The following ZNF513 variants were observed in gnomAD, a reference collection of about 807,000 sequenced individuals.
ZNF513 encodes the protein zinc finger protein 513.
In ZNF513, 16 loss-of-function variants were observed where a neutral mutation model predicts 39.7. The ratio of observed to expected loss-of-function variants is 0.40; its 90% CI spans 0.27 to 0.61. ZNF513 has a LOEUF of 0.61. ZNF513 is among the 20% of genes least tolerant of loss of function. ZNF513 has a pLI of 0.39. For synonymous variants in ZNF513, 348 were observed against 296.5 expected (o/e 1.17, Z -1.79); for missense variants, 699 against 743.6 (o/e 0.94, Z 0.70).
rs770472301 is a variant in ZNF513, at chr2:27,379,070, T to G, written c.212-16A>C. ...AGAGAGTCTCCTGGTGAAATAGACA[T>G]AAGAAGAGACATCAGCATAGGGTAG... On this transcript the variant is annotated splice_polypyrimidine_tract_variant and intron_variant, in intron 2 of 3. Coordinates refer to ENST00000323703, the MANE Select transcript of ZNF513 (RefSeq NM_144631.6). 3.3e-5 allele frequency: 53 copies of G among 1,610,522 alleles called. No homozygotes were observed. Among genetic ancestry groups the G allele is most frequent in the Non-Finnish European group, 4.4e-5 (52 of 1,178,406 alleles).
At position 27,378,517 on chromosome 2, in the gene ZNF513, C is replaced by T. The variant is rs141337532; in HGVS notation, c.749G>A (p.Arg250Gln). 1,992 of 1,614,124 alleles carry T rather than the reference C, an allele frequency of 1.2e-3. 8 individuals are homozygous for T. Among genetic ancestry groups the T allele is most frequent in the Non-Finnish European group, 1.5e-3 (1,729 of 1,180,022 alleles). Residue 250 changes from arginine to glutamine, a missense_variant, in exon 3 of 4, where the codon CGG becomes CAG. Physicochemically the swap from Arg to Gln is conservative, Grantham distance 43. Transcript: ENST00000323703. The surrounding 1 kb of genome is among the most constrained non-coding windows in gnomAD (Gnocchi z 8.0). ...GFRCCTPRPA[R>Q]PPSPTEQEGA... ...CTCCTGCTCTGTGGGACTGGGAGGCCGGGCTGGTCGTGGAGTACAGCAGCG... is the reference window on the plus strand; with the variant it reads ...CTCCTGCTCTGTGGGACTGGGAGGCTGGGCTGGTCGTGGAGTACAGCAGCG...
chr2:27,379,026 A>T lies in ZNF513; in HGVS notation c.240T>A (p.Leu80=), dbSNP rs368015447. ...EGDSLGARPG[L]PYGLSDDESG... is the part of the protein sequence containing the mutation. ...ACTCATCGTCGCTCAGCCCATAGGGAAGCCCAGGCCTGGCCCCCAGAGAGT... is the reference window on the plus strand; with the variant it reads ...ACTCATCGTCGCTCAGCCCATAGGGTAGCCCAGGCCTGGCCCCCAGAGAGT... The change falls in exon 3 of 4, where the codon CTT becomes CTA. Residue 80 remains leucine (L), a synonymous_variant. Transcript: ENST00000323703. The T allele has an allele frequency of 5.0e-6, 8 of 1,613,074 alleles. No homozygotes were observed. The highest frequency in any genetic ancestry group is 6.8e-6 in the Non-Finnish European group (8 of 1,179,984).
chr2:27,379,042 C>A lies in ZNF513; in HGVS notation c.224G>T (p.Gly75Val). 4 of 1,612,802 alleles carry A rather than the reference C, an allele frequency of 2.5e-6. No homozygotes were observed. Among genetic ancestry groups the A allele is most frequent in the Non-Finnish European group, 3.4e-6 (4 of 1,179,926 alleles). The change falls in exon 3 of 4, where the codon GGG becomes GTG. Residue 75 changes from glycine (G) to valine (V), a missense_variant. Around this residue, in one of 3 missense-constraint regions of ZNF513, gnomAD observed 530 missense variants for 499.3 expected, o/e 1.06. Transcript: ENST00000323703. Reference sequence around the variant, plus strand: ...CCCATAGGGAAGCCCAGGCCTGGCCCCCAGAGAGTCTCCTGGTGAAATAGA... The same window carrying A: ...CCCATAGGGAAGCCCAGGCCTGGCCACCAGAGAGTCTCCTGGTGAAATAGA... ...FERDSEGDSL[G>V]ARPGLPYGLS...
Position 27,380,257 on chromosome 2 carries a change from G to A in ZNF513, c.56-9C>T, listed in dbSNP as rs761661461. 21 of 1,613,738 alleles carry A rather than the reference G, an allele frequency of 1.3e-5. No individual in the cohort carries two copies. In the East Asian group the frequency reaches 2.9e-4, roughly 22 times the overall value. On this transcript the variant is annotated splice_polypyrimidine_tract_variant and intron_variant, in intron 1 of 3. Transcript: ENST00000323703. ...GGAGTCTTCAGTATCCACTGAAGAGGGGAGGGGGCTTGTGGATTCTCCCTC... is the reference window on the plus strand; with the variant it reads ...GGAGTCTTCAGTATCCACTGAAGAGAGGAGGGGGCTTGTGGATTCTCCCTC...
At position 27,379,011 on chromosome 2, in the gene ZNF513, G is replaced by T. The variant is rs776962354; in HGVS notation, c.255C>A (p.Ser85Arg). The stretch of plus-strand genomic sequence containing the variant: ...CCCGGCCGCCCCCAGACTCATCGTC[G>T]CTCAGCCCATAGGGAAGCCCAGGCC... ...GARPGLPYGLSDDESGGGRAL... is the reference protein window; with the variant it reads ...GARPGLPYGLRDDESGGGRAL... Residue 85 changes from serine (S) to arginine (R), a missense_variant, in exon 3 of 4, where the codon AGC becomes AGA. Transcript: ENST00000323703. 1 of 1,612,976 alleles carries T rather than the reference G, an allele frequency of 6.2e-7. No homozygotes were observed. The highest frequency in any genetic ancestry group is 8.5e-7 in the Non-Finnish European group (1 of 1,179,996).
intron 1 of ZNF513, 22 bp from the exon 2 acceptor site, chr2:27,380,270 T>A: frequency 6.2e-7 from 1 of 1,613,564 alleles, no homozygotes; most frequent in South Asian, 1.1e-5. Context: ...AGGGGGCTTG[T>A]GGATTCTCCC....
Position 27,378,344 on chromosome 2 carries a change from A to G in ZNF513, c.827T>C (p.Leu276Pro). ...EDALLLPDLS[L>P]HVPPGGASFL... ...ACTGGCACCACCTGGTGGCACATGG[A>G]GGCTCAAATCTGGAAGGAGCAGAGC... The change falls in exon 4 of 4, where the codon CTC becomes CCC. Residue 276 changes from leucine (L) to proline (P), a missense_variant. Leu to Pro is a moderately conservative substitution (Grantham distance 98). Coordinates refer to ENST00000323703, the MANE Select transcript of ZNF513 (RefSeq NM_144631.6). The surrounding 1 kb of genome is among the most constrained non-coding windows in gnomAD (Gnocchi z 8.0). 1 of 1,602,162 alleles carries G rather than the reference A, an allele frequency of 6.2e-7. No individual in the cohort carries two copies. Among genetic ancestry groups the G allele is most frequent in the Non-Finnish European group, 8.5e-7 (1 of 1,179,960 alleles).
In ZNF513 at chr2:27,377,455, A is replaced by G. The variant is rs770822755; in HGVS notation, c.*90T>C. 2.8e-6 allele frequency: 4 copies of G among 1,417,454 alleles called. No individual in the cohort carries two copies. The highest frequency in any genetic ancestry group is 2.3e-5 in the East Asian group (1 of 43,356). 87.8% of individuals were successfully genotyped at this position (1,417,454 alleles called of 1,614,324 possible). A position where few individuals can be genotyped will look rare whatever the true frequency, so the allele number is the denominator to read the frequency against. On this transcript the variant is annotated 3_prime_UTR_variant, in exon 4 of 4. Coordinates refer to ENST00000323703, the MANE Select transcript of ZNF513 (RefSeq NM_144631.6). This position sits in a 1 kb window ranked among gnomAD's most constrained non-coding sequence, Gnocchi z 4.4. ...GGTTGGGCTGGTCCTTATAGTGCCT[A>G]CGTTAGTCTGTGTGGAGCCCCTGGC...
rs745565676 is a variant in ZNF513, at chr2:27,379,072, A to G, written c.212-18T>C. 9.3e-6 allele frequency: 15 copies of G among 1,610,064 alleles called. No homozygotes were observed. The East Asian group carries it at 3.1e-4, about 34-fold the overall frequency. Reference sequence around the variant, plus strand: ...AGAGTCTCCTGGTGAAATAGACATAAGAAGAGACATCAGCATAGGGTAGGA... The same window carrying G: ...AGAGTCTCCTGGTGAAATAGACATAGGAAGAGACATCAGCATAGGGTAGGA... On this transcript the variant is annotated intron_variant, in intron 2 of 3. Transcript: ENST00000323703.
rs1009266161 is a variant in ZNF513, at chr2:27,380,381, C to T, written c.55+91G>A. 3.5e-5 allele frequency: 56 copies of T among 1,585,024 alleles called. 1 individual carries two copies. The highest frequency in any genetic ancestry group is 4.7e-5 in the Non-Finnish European group (55 of 1,164,830). On this transcript the variant is annotated intron_variant, in intron 1 of 3. Coordinates refer to ENST00000323703, the MANE Select transcript of ZNF513 (RefSeq NM_144631.6). ...AGCTAGGAGTCTGGATCGCCCACTT[C>T]ATCCCTCAGGAGTCCCCCTCCACCC...
rs1284306414 is a variant in ZNF513, at chr2:27,380,212, G to A, written c.92C>T (p.Ala31Val). Residue 31 changes from alanine to valine, a missense_variant, in exon 2 of 4, where the codon GCC becomes GTC. Ala to Val is a moderately conservative substitution (Grantham distance 64). This residue lies in a region of ZNF513 where 530 missense variants were observed against 499.3 expected (regional missense o/e 1.06). Coordinates refer to ENST00000323703, the MANE Select transcript of ZNF513 (RefSeq NM_144631.6). ...TEDSLDEGPG[A>V]LVLESDLLLG... ...TAGCAAATCACTCTCCAATACCAGGGCCCCGGGTCCTTCGTCGAGGGAGTC... is the reference window on the plus strand; with the variant it reads ...TAGCAAATCACTCTCCAATACCAGGACCCCGGGTCCTTCGTCGAGGGAGTC... 6.2e-7 allele frequency: 1 copy of A among 1,613,812 alleles called. No individual in the cohort carries two copies. The highest frequency in any genetic ancestry group is 1.7e-5 in the Admixed American group (1 of 59,966).
At chr2:27,380,003 A>G (rs1683548122) in intron 2 of ZNF513, 90 bp downstream of exon 2, 1 of 1,554,148 alleles carries the variant, frequency 6.4e-7, no homozygotes, top group African/African-American at 1.4e-5. Flanking sequence ...CGGTTGTGGC[A>G]GGAAATGGTG....
intron 2 of ZNF513, among the ~76,000 whole-genome samples, chr2:27,379,322 A>C (rs1683512141): frequency 6.6e-6 from 1 of 152,222 alleles, no homozygotes; most frequent in South Asian, 2.1e-4. Context: ...AAGGGCTCAC[A>C]GTGGATCACA....
At chr2:27,379,948 A>C (rs1026022543) in intron 2 of ZNF513, 145 bp downstream of exon 2, 43 of 1,115,720 alleles carry the variant, frequency 3.9e-5, no homozygotes, top group Middle Eastern at 2.6e-4. Context: ...TTGGACCATT[A>C]AACAAATGAA....
At position 27,380,562 on chromosome 2, in the gene ZNF513, C is replaced by T. The variant is rs1197677286; in HGVS notation, c.-36G>A. On this transcript the variant is annotated 5_prime_UTR_variant, in exon 1 of 4. Coordinates refer to ENST00000323703, the MANE Select transcript of ZNF513 (RefSeq NM_144631.6). ...TCCAGCCCGACGCGCCTCCGGCCTG[C>T]GGCCGCCCGACCCCGCCCCTCCTAT... 2.6e-6 allele frequency: 4 copies of T among 1,539,438 alleles called. No individual in the cohort carries two copies. Among genetic ancestry groups the T allele is most frequent in the Admixed American group, 3.9e-5 (2 of 51,608 alleles).
intron 1 of ZNF513, 21 bp from the exon 2 acceptor site, chr2:27,380,269 G>C (rs373889133): frequency 1.2e-6 from 2 of 1,613,588 alleles, no homozygotes; most frequent in African/African-American, 2.7e-5. Flanking sequence ...GAGGGGGCTT[G>C]TGGATTCTCC....
rs1372253522 is a variant in ZNF513, at chr2:27,377,303, C to A, written c.*242G>T. 3.1e-6 allele frequency: 2 copies of A among 650,434 alleles called. No individual in the cohort carries two copies. The highest frequency in any genetic ancestry group is 5.5e-6 in the Non-Finnish European group (2 of 360,696). 40.3% of individuals were successfully genotyped at this position (650,434 alleles called of 1,614,324 possible). On this transcript the variant is annotated 3_prime_UTR_variant, in exon 4 of 4. Coordinates refer to ENST00000323703, the MANE Select transcript of ZNF513 (RefSeq NM_144631.6). This position sits in a 1 kb window ranked among gnomAD's most constrained non-coding sequence, Gnocchi z 4.4. The stretch of plus-strand genomic sequence containing the variant: ...ATAAACAGGTGGGAGGCTGGGCAGT[C>A]CCCCAGCCGGTTTGTCCACAGCCCC...
chr2:27,377,589 G>T lies in ZNF513; in HGVS notation c.1582C>A (p.Leu528Met). The change falls in exon 4 of 4, where the codon CTG becomes ATG. Residue 528 changes from leucine to methionine, a missense_variant. Leu to Met is a conservative substitution (Grantham distance 15). Coordinates refer to ENST00000323703, the MANE Select transcript of ZNF513 (RefSeq NM_144631.6). The surrounding 1 kb of genome is among the most constrained non-coding windows in gnomAD (Gnocchi z 4.4). ...SVLSSRGPPA[L>M]GTAGSRAVHT... Reference sequence around the variant, plus strand: ...ACAGCCCGGCTGCCAGCAGTCCCCAGGGCTGGTGGGCCCCGAGAGCTCAAA... The same window carrying T: ...ACAGCCCGGCTGCCAGCAGTCCCCATGGCTGGTGGGCCCCGAGAGCTCAAA... 1 of 1,614,122 alleles carries T rather than the reference G, an allele frequency of 6.2e-7. No homozygotes were observed. The highest frequency in any genetic ancestry group is 8.5e-7 in the Non-Finnish European group (1 of 1,180,040).
chr2:27,380,690 A>T lies in ZNF513; in HGVS notation c.-164T>A, dbSNP rs1183471150. ...CGGCCCTGGCCCCGGCGCCCAGCTC[A>T]GGCCGCTCCCGCCGCCGCCGCCGCT... On this transcript the variant is annotated 5_prime_UTR_variant, in exon 1 of 4. The change abolishes the stop of an existing upstream ORF in the 5' untranslated region. Coordinates refer to ENST00000323703, the MANE Select transcript of ZNF513 (RefSeq NM_144631.6). 2.5e-6 allele frequency: 3 copies of T among 1,199,406 alleles called. No homozygotes were observed. In the East Asian group the frequency reaches 9.6e-5, roughly 39 times the overall value. The allele number at this position is 1,199,406 out of a possible 1,614,324, so 74.3% of individuals were successfully genotyped here.
Sources: allele counts gnomAD v4.1 joint callset (sites outside exome capture counted in the v4.1 genomes callset), GRCh38; gene constraint gnomAD v4.1.1; regional missense constraint gnomAD v4.1.1; non-coding constraint Gnocchi (gnomAD v3.1); transcripts MANE v1.5; gene names NCBI Gene and HGNC (gene_info 2026-07-23, HGNC 2026-07-21).